The following TCF7L2 variants were observed in gnomAD, a reference collection of about 807,000 sequenced individuals.
The protein encoded by TCF7L2 is transcription factor 7 like 2.
Under a neutral mutation model 77.9 loss-of-function variants are expected in TCF7L2, and 23 were observed. That is an observed-to-expected ratio of 0.30 (90% CI 0.21 to 0.42). The LOEUF is 0.42. Among genes scored for constraint, TCF7L2 ranks in the 10% least tolerant of loss-of-function variants. The probability of loss-of-function intolerance (pLI) is 1.00; values close to 1 mark genes in which losing one functional copy is unlikely to be tolerated. For synonymous variants in TCF7L2, 413 were observed against 340.2 expected, an observed-to-expected ratio of 1.21 and a Z score of -2.36; for missense variants, 654 against 793.1, an observed-to-expected ratio of 0.82 and a Z score of 2.11.
At position 113,136,399 on chromosome 10, in the gene TCF7L2, C is replaced by T. The variant is rs377002635; in HGVS notation, c.553-4785C>T. On this transcript the variant is annotated intron_variant, in intron 5 of 13. Coordinates refer to ENST00000627217, the MANE Select transcript of TCF7L2 (RefSeq NM_001146274.2). ...TTCGGCAGCTGTGGTATAACCGTCT[C>T]GAAATTATGTGAGTTATTCATATAT... is the stretch of plus-strand genomic sequence containing the variant. Among the ~76,000 whole-genome samples, 3 of 152,248 alleles carry T rather than the reference C, an allele frequency of 2.0e-5. No individual in the cohort carries two copies. In the East Asian group the frequency reaches 5.8e-4, roughly 29 times the overall value.
intron 5 of TCF7L2, among the ~76,000 whole-genome samples, chr10:113,139,703 C>A (rs1230000187): frequency 1.3e-5 from 2 of 151,746 alleles, no homozygotes; most frequent in African/African-American, 4.8e-5. Context: ...ATTTTTCTTT[C>A]CACACATAAC....
chr10:112,987,702 C>G (rs1364790856), intron 4 of TCF7L2: 1 of 151,862 alleles, frequency 6.6e-6, no homozygotes, highest in African/African-American at 2.4e-5. Flanking sequence ...AAGTGGTCAG[C>G]TGGAGATTTG....
chr10:113,072,448 G>A (rs1038116213), intron 5 of TCF7L2, among the ~76,000 whole-genome samples: 1 of 152,214 alleles, frequency 6.6e-6, no homozygotes, highest in African/African-American at 2.4e-5. Context: ...TGCGCCTCCC[G>A]GGTTCAAGCG....
At chr10:113,147,908 A>G (rs1281073461) in intron 8 of TCF7L2, among the ~76,000 whole-genome samples, 3 of 152,120 alleles carry the variant, frequency 2.0e-5, no homozygotes, top group Non-Finnish European at 4.4e-5. Context: ...TTAGGGCCTC[A>G]AGGTGCGGGG....
At chr10:113,141,997 TTTG>T (rs529175664) in intron 6 of TCF7L2, among the ~76,000 whole-genome samples, 5 of 152,030 alleles carry the variant, frequency 3.3e-5, no homozygotes, top group East Asian at 1.9e-4. Context: ...TCAACGTCTT[TTTG>T]TTGTTGTTGT....
chr10:112,965,716 C>G (rs2036618496), intron 4 of TCF7L2, among the ~76,000 whole-genome samples: 1 of 151,080 alleles, frequency 6.6e-6, no homozygotes, highest in African/African-American at 2.4e-5. Context: ...CTTTGTAGCT[C>G]TGTCATCTCA....
intron 5 of TCF7L2, among the ~76,000 whole-genome samples, chr10:113,046,878 A>T (rs962219546): frequency 6.6e-6 from 1 of 152,076 alleles, no homozygotes; most frequent in Non-Finnish European, 1.5e-5. Flanking sequence ...TGAGTGTATG[A>T]ATATTTATAT....
Position 112,951,233 on chromosome 10 carries a change from C to G in TCF7L2, c.216C>G (p.Ser72=). 6 of 1,578,536 alleles carry G rather than the reference C, an allele frequency of 3.8e-6. No individual in the cohort carries two copies. The highest frequency in any genetic ancestry group is 5.1e-6 in the Non-Finnish European group (6 of 1,165,160). Residue 72 remains serine, a synonymous_variant, in exon 2 of 14, where the codon TCC becomes TCG. Transcript: ENST00000627217. The stretch of plus-strand genomic sequence containing the variant: ...CGGAAAGACGGCCTCCGCCTCGCTC[C>G]GAAAGTTTCCGAGACAAATCCCGGG...
At chr10:112,979,413 A>G (rs1020322688) in intron 4 of TCF7L2, among the ~76,000 whole-genome samples, 17 of 152,188 alleles carry the variant, frequency 1.1e-4, no homozygotes, top group Non-Finnish European at 1.5e-4. Flanking sequence ...AGGATTTTAT[A>G]CCACTTTCTG....
chr10:112,971,154 T>C (rs2038155323), intron 4 of TCF7L2, among the ~76,000 whole-genome samples: 1 of 152,180 alleles, frequency 6.6e-6, no homozygotes, highest in Non-Finnish European at 1.5e-5. Flanking sequence ...CAGACAAAAA[T>C]CCCTTGCTCT....
chr10:113,030,314 G>T (rs118046020), intron 4 of TCF7L2, among the ~76,000 whole-genome samples: 1 of 152,050 alleles, frequency 6.6e-6, no homozygotes, highest in Non-Finnish European at 1.5e-5. Flanking sequence ...TCCAGCTATC[G>T]GTTGAGACTT....
intron 5 of TCF7L2, among the ~76,000 whole-genome samples, chr10:113,061,654 C>G (rs925498606): frequency 6.6e-6 from 1 of 152,162 alleles, no homozygotes; most frequent in Non-Finnish European, 1.5e-5. Context: ...TTTGCTCTTC[C>G]GTGGAGATGA....
chr10:113,024,458 T>G (rs564221178), intron 4 of TCF7L2, among the ~76,000 whole-genome samples: 1 of 152,126 alleles, frequency 6.6e-6, no homozygotes, highest in South Asian at 2.1e-4. Flanking sequence ...TATGAAGGAG[T>G]ACAGGTTAAA....
chr10:112,973,948 A>T (rs1276089755), intron 4 of TCF7L2, among the ~76,000 whole-genome samples: 2 of 152,050 alleles, frequency 1.3e-5, no homozygotes, highest in Admixed American at 1.3e-4. Context: ...GATACAGTCC[A>T]TTTTAATAGG....
chr10:113,164,586 C>A (rs1366120510), intron 13 of TCF7L2, among the ~76,000 whole-genome samples: 3 of 132,470 alleles, frequency 2.3e-5, no homozygotes, highest in African/African-American at 7.7e-5. Flanking sequence ...GAGGGGAAAG[C>A]CCCAAATCTT....
chr10:113,004,139 G>A (rs896108650), intron 4 of TCF7L2, among the ~76,000 whole-genome samples: 1 of 152,174 alleles, frequency 6.6e-6, no homozygotes, highest in African/African-American at 2.4e-5. Context: ...AGAGAGGGCG[G>A]ACTTTTTATT....
chr10:113,043,972 G>A (rs947338349), intron 5 of TCF7L2, among the ~76,000 whole-genome samples: 1 of 152,046 alleles, frequency 6.6e-6, no homozygotes, highest in Non-Finnish European at 1.5e-5. Context: ...CAAAATGGTG[G>A]TATTTTGGTA....
In TCF7L2 at chr10:113,167,352, T is replaced by C. The variant is rs2074082834; in HGVS notation, c.*1380T>C. 8.8e-6 allele frequency: 2 copies of C among 226,302 alleles called. No individual in the cohort carries two copies. Among genetic ancestry groups the C allele is most frequent in the East Asian group, 1.3e-4 (2 of 15,578 alleles). The allele number at this position is 226,302 out of a possible 1,614,324, so 14.0% of individuals were successfully genotyped here. A position where few individuals can be genotyped will look rare whatever the true frequency, so the allele number is the denominator to read the frequency against. ...ACGAGTAGGCAGCAGACTTTAAAAA[T>C]AAAAAAAACCTAGGCATGTTGATGT... On this transcript the variant is annotated 3_prime_UTR_variant, in exon 14 of 14. Coordinates refer to ENST00000627217, the MANE Select transcript of TCF7L2 (RefSeq NM_001146274.2).
chr10:113,038,848 C>G (rs1288505036), intron 4 of TCF7L2, among the ~76,000 whole-genome samples: 1 of 152,108 alleles, frequency 6.6e-6, no homozygotes, highest in Non-Finnish European at 1.5e-5. Flanking sequence ...TTGTCACAGC[C>G]TGTACACAAA....
Sources: allele counts gnomAD v4.1 joint callset (sites outside exome capture counted in the v4.1 genomes callset), GRCh38; gene constraint gnomAD v4.1.1; transcripts MANE v1.5; gene names NCBI Gene and HGNC (gene_info 2026-07-23, HGNC 2026-07-21).